ETS2: variants seen among roughly 807,000 people sequenced by gnomAD.
The protein encoded by ETS2 is protein C-ets-2.
ETS2 carries 19 observed loss-of-function variants against 54.9 expected under a neutral mutation model. The ratio of observed to expected loss-of-function variants is 0.35; its 90% CI spans 0.24 to 0.51. The LOEUF is 0.51. Ranked by LOEUF, ETS2 falls within the 20% of genes least tolerant of loss-of-function variation. ETS2 has a pLI of 0.97. For synonymous variants in ETS2, 219 were observed against 229.3 expected (o/e 0.95, Z 0.41); for missense variants, 417 against 593.0 (o/e 0.70, Z 3.08).
At chr21:38,812,843 G>A (rs1428786554) in intron 2 of ETS2, among the ~76,000 whole-genome samples, 160 bp from the exon 3 acceptor site, 1 of 152,114 alleles carries the variant, frequency 6.6e-6, no homozygotes, top group Non-Finnish European at 1.5e-5. Context: ...ACCATTTTAC[G>A]AGTCTGTTTT....
chr21:38,812,696 G>A (rs557339075), intron 2 of ETS2, among the ~76,000 whole-genome samples: 1 of 152,288 alleles, frequency 6.6e-6, no homozygotes, highest in South Asian at 2.1e-4. Flanking sequence ...CAGGAGAATC[G>A]CTTGAACCCA....
chr21:38,810,123 TA>T lies in ETS2; in HGVS notation c.72+19del. On this transcript the variant is annotated intron_variant, in intron 2 of 9. Transcript: ENST00000360938. ...ACACTCAAGGTGAGTGGGCAAGTCT[TA>T]ATTTTTTTTTTTAATTGGAAAACTC... The T allele has an allele frequency of 6.8e-7, 1 of 1,473,734 alleles. No homozygotes were observed. Among genetic ancestry groups the T allele is most frequent in the Non-Finnish European group, 9.1e-7 (1 of 1,104,142 alleles). 91.3% of individuals were successfully genotyped at this position (1,473,734 alleles called of 1,614,324 possible).
rs1442487517 is a variant in ETS2 at position 38,806,698 on chromosome 21, G to T, written c.-1+578G>T. The T allele has an allele frequency of 1.0e-6, 1 of 985,380 alleles. No individual in the cohort carries two copies. The highest frequency in any genetic ancestry group is 1.2e-6 in the Non-Finnish European group (1 of 829,986). 61.0% of individuals were successfully genotyped at this position (985,380 alleles called of 1,614,324 possible). Reference sequence around the variant, plus strand: ...CCTGCTCGCCGCGTCCAGGGCCCGGGCTGGGGACCCCTCGGTCGTGCGAGG... The same window carrying T: ...CCTGCTCGCCGCGTCCAGGGCCCGGTCTGGGGACCCCTCGGTCGTGCGAGG... On this transcript the variant is annotated intron_variant, in intron 1 of 9. Transcript: ENST00000360938. The surrounding 1 kb of genome is among the most constrained non-coding windows in gnomAD (Gnocchi z 4.3).
chr21:38,814,931 C>A lies in ETS2; in HGVS notation c.455C>A (p.Pro152His). The change falls in exon 5 of 10, where the codon CCT (proline) becomes CAT (histidine). Residue 152 changes from proline (P) to histidine (H), a missense_variant. Transcript: ENST00000360938. The surrounding 1 kb of genome is among the most constrained non-coding windows in gnomAD (Gnocchi z 4.2). Reference protein sequence around the residue: ...LGKERFLELAPDFVGDILWEH... With the variant: ...LGKERFLELAHDFVGDILWEH... The stretch of plus-strand genomic sequence containing the variant: ...AAGGAACGCTTTCTGGAGCTGGCAC[C>A]TGACTTTGTGGGTGACATTCTCTGG... The A allele has an allele frequency of 6.2e-7, 1 of 1,614,156 alleles. No individual in the cohort carries two copies. Among genetic ancestry groups the A allele is most frequent in the Non-Finnish European group, 8.5e-7 (1 of 1,180,034 alleles).
In ETS2 at chr21:38,821,374, A is replaced by C. The variant is rs2060957307; in HGVS notation, c.1076-212A>C. Reference sequence around the variant, plus strand: ...TTTCTAGGAGTAGGCAGTGTGGAGCAGGAACTCACATTTGGTGCCCCGCCC... The same window carrying C: ...TTTCTAGGAGTAGGCAGTGTGGAGCCGGAACTCACATTTGGTGCCCCGCCC... On this transcript the variant is annotated intron_variant, in intron 8 of 9. Transcript: ENST00000360938. This position sits in a 1 kb window ranked among gnomAD's most constrained non-coding sequence, Gnocchi z 4.2. Among the ~76,000 whole-genome samples, 1 of 152,178 alleles carries C rather than the reference A, an allele frequency of 6.6e-6. No homozygotes were observed. The highest frequency in any genetic ancestry group is 1.9e-4 in the East Asian group (1 of 5,186).
At chr21:38,812,035 C>T (rs1043986720) in intron 2 of ETS2, among the ~76,000 whole-genome samples, 4 of 152,078 alleles carry the variant, frequency 2.6e-5, no homozygotes, top group Non-Finnish European at 4.4e-5. Flanking sequence ...GGAGGGGGTT[C>T]ATTTTTAAGA....
chr21:38,818,844 A>T (rs1053132348), intron 7 of ETS2, among the ~76,000 whole-genome samples, 198 bp downstream of exon 7: 1 of 152,226 alleles, frequency 6.6e-6, no homozygotes, highest in African/African-American at 2.4e-5. Context: ...GCATTGAGTA[A>T]ACAAAACAGT....
At chr21:38,805,222 A>G, upstream of ETS2, 4 of 759,720 alleles carry the variant, frequency 5.3e-6, no homozygotes, top group Non-Finnish European at 7.1e-6. The surrounding 1 kb of genome is among the most constrained non-coding windows in gnomAD (Gnocchi z 5.2). Flanking sequence ...GCTTCCCGGG[A>G]GCAGCGCGAT....
chr21:38,810,118 A>C lies in ETS2; in HGVS notation c.72+12A>C, dbSNP rs768713161. ...GAGGGACACTCAAGGTGAGTGGGCAAGTCTTAATTTTTTTTTTTAATTGGA... is the reference window on the plus strand; with the variant it reads ...GAGGGACACTCAAGGTGAGTGGGCACGTCTTAATTTTTTTTTTTAATTGGA... On this transcript the variant is annotated intron_variant, in intron 2 of 9. Coordinates refer to ENST00000360938, the MANE Select transcript of ETS2 (RefSeq NM_005239.6). 2 of 1,495,896 alleles carry C rather than the reference A, an allele frequency of 1.3e-6. No homozygotes were observed. Among genetic ancestry groups the C allele is most frequent in the Non-Finnish European group, 1.8e-6 (2 of 1,121,922 alleles). The allele number at this position is 1,495,896 out of a possible 1,614,324, so 92.7% of individuals were successfully genotyped here. A position where few individuals can be genotyped will look rare whatever the true frequency, so the allele number is the denominator to read the frequency against.
At position 38,821,997 on chromosome 21, in the gene ETS2, C is replaced by T. The variant is rs941663377; in HGVS notation, c.1194+293C>T. Among the ~76,000 whole-genome samples, 3 of 152,204 alleles carry T rather than the reference C, an allele frequency of 2.0e-5. No homozygotes were observed. The highest frequency in any genetic ancestry group is 4.4e-5 in the Non-Finnish European group (3 of 68,046). On this transcript the variant is annotated intron_variant, in intron 9 of 9. Coordinates refer to ENST00000360938, the MANE Select transcript of ETS2 (RefSeq NM_005239.6). This position sits in a 1 kb window ranked among gnomAD's most constrained non-coding sequence, Gnocchi z 4.2. The stretch of plus-strand genomic sequence containing the variant: ...CAAACTGAGGTTCTCTGCTGACCAT[C>T]TGAAAATGCCTTAGGAAGGCTGCCC...
chr21:38,819,710 A>G lies in ETS2; in HGVS notation c.1019A>G (p.Asp340Gly), dbSNP rs1251221942. The change falls in exon 8 of 10, where the codon GAC (aspartate) becomes GGC (glycine). Residue 340 changes from aspartate to glycine, a missense_variant. This residue lies in a region of ETS2 where 326 missense variants were observed against 426.1 expected (regional missense o/e 0.76). Transcript: ENST00000360938. Reference protein sequence around the residue: ...SFKDYIQERSDPVEQGKPVIP... With the variant: ...SFKDYIQERSGPVEQGKPVIP... ...AAGGATTACATCCAAGAGAGGAGTG[A>G]CCCAGTGGAGCAAGGCAAACCAGTT... 6.2e-7 allele frequency: 1 copy of G among 1,614,006 alleles called. No individual in the cohort carries two copies. The highest frequency in any genetic ancestry group is 8.5e-7 in the Non-Finnish European group (1 of 1,179,954).
upstream of ETS2, chr21:38,805,192 G>C (rs1300087024): frequency 3.6e-6 from 2 of 556,474 alleles, no homozygotes; most frequent in African/African-American, 2.0e-5. This position sits in a 1 kb window ranked among gnomAD's most constrained non-coding sequence, Gnocchi z 5.2. Flanking sequence ...CGCCACTCCC[G>C]CGGAGCCTGC....
In ETS2 at chr21:38,806,187, C is replaced by T; in HGVS notation, c.-1+67C>T. On this transcript the variant is annotated intron_variant, in intron 1 of 9. Coordinates refer to ENST00000360938, the MANE Select transcript of ETS2 (RefSeq NM_005239.6). This position sits in a 1 kb window ranked among gnomAD's most constrained non-coding sequence, Gnocchi z 4.3. ...AGTCCCATGGAGGGTCACCCGGGGC[C>T]TGGGCGGGGGTCGCGGGGGGCACTG... 1 of 994,814 alleles carries T rather than the reference C, an allele frequency of 1.0e-6. No individual in the cohort carries two copies. Among genetic ancestry groups the T allele is most frequent in the Non-Finnish European group, 1.2e-6 (1 of 836,852 alleles). 61.6% of individuals were successfully genotyped at this position (994,814 alleles called of 1,614,324 possible).
At chr21:38,808,909 G>A (rs2060903865) in intron 1 of ETS2, among the ~76,000 whole-genome samples, 1 of 152,206 alleles carries the variant, frequency 6.6e-6, no homozygotes, top group Non-Finnish European at 1.5e-5. Context: ...CCCTAGAGGT[G>A]AAGGCCATTC....
At chr21:38,807,348 T>G (rs1306836424) in intron 1 of ETS2, among the ~76,000 whole-genome samples, 6 of 152,178 alleles carry the variant, frequency 3.9e-5, no homozygotes, top group Non-Finnish European at 7.4e-5. Context: ...ATAAGGGTAC[T>G]GTTGTCAGGC....
intron 5 of ETS2, among the ~76,000 whole-genome samples, chr21:38,815,204 A>G (rs1411806120): frequency 1.4e-5 from 2 of 139,936 alleles, no homozygotes; most frequent in East Asian, 2.0e-4. Flanking sequence ...GTGTGTGTGT[A>G]TAGCATCAAG....
In ETS2 at chr21:38,822,965, G is replaced by A. The variant is rs573870357; in HGVS notation, c.*76G>A. On this transcript the variant is annotated 3_prime_UTR_variant, in exon 10 of 10. Transcript: ENST00000360938. ...AGCCCATCCTGACCAGCTGCTCCGA[G>A]GACCCAGGAAAGGCAGGATTGAAAA... 743 of 1,194,920 alleles carry A rather than the reference G, an allele frequency of 6.2e-4. 7 individuals carry two copies. The highest frequency in any genetic ancestry group is 5.2e-5 in the Non-Finnish European group (46 of 880,768). The allele number at this position is 1,194,920 out of a possible 1,614,324, so 74.0% of individuals were successfully genotyped here.
chr21:38,810,203 C>T (rs879078990), intron 2 of ETS2, 97 bp downstream of exon 2: 1 of 678,368 alleles, frequency 1.5e-6, no homozygotes, highest in Admixed American at 3.7e-5. Flanking sequence ...CTGGTTGTAG[C>T]CCTAGCTTCT....
rs747921885 is a variant in ETS2, at chr21:38,818,659, G to A, written c.811+13G>A. On this transcript the variant is annotated intron_variant, in intron 7 of 9. Transcript: ENST00000360938. ...ACCAACAATTCTGGTAAGATTGGAA[G>A]CATCTTTCAACAAGGCTGTTGCTTT... 6.8e-6 allele frequency: 11 copies of A among 1,613,872 alleles called. No homozygotes were observed. Among genetic ancestry groups the A allele is most frequent in the Admixed American group, 1.7e-5 (1 of 60,024 alleles).
Sources: allele counts gnomAD v4.1 joint callset (sites outside exome capture counted in the v4.1 genomes callset), GRCh38; gene constraint gnomAD v4.1.1; regional missense constraint gnomAD v4.1.1; non-coding constraint Gnocchi (gnomAD v3.1); transcripts MANE v1.5; gene names NCBI Gene and HGNC (gene_info 2026-07-23, HGNC 2026-07-21).